Variants in ACADM observed in about 807,000 individuals in gnomAD.
The protein encoded by ACADM is acyl-CoA dehydrogenase medium chain.
A neutral mutation model predicts 58.9 loss-of-function variants in ACADM; 49 were observed. The observed-to-expected ratio is 0.83, with a 90% CI of 0.66 to 1.06. The LOEUF is 1.06. Among genes scored for constraint, ACADM ranks in the 50% least tolerant of loss-of-function variants. The pLI, the probability that ACADM is intolerant of heterozygous loss-of-function variation, is 0.00. For synonymous variants in ACADM, 160 were observed against 157.7 expected (o/e 1.01, Z -0.11); for missense variants, 496 against 507.0 (o/e 0.98, Z 0.21).
intron 11 of ACADM, 41 bp downstream of exon 11, chr1:75,761,411 A>AAT: frequency 6.3e-7 from 1 of 1,599,646 alleles, no homozygotes; most frequent in Non-Finnish European, 8.6e-7. Context: ...AAGGAGAGAG[A>AAT]ATATTCATAA....
chr1:75,740,907 G>T (rs761157816), intron 7 of ACADM, among the ~76,000 whole-genome samples: 21 of 152,112 alleles, frequency 1.4e-4, no homozygotes, highest in Non-Finnish European at 2.9e-4. Flanking sequence ...GAAAAGCAAA[G>T]CCTTGGTTAT....
chr1:75,732,077 A>G (rs910691009), intron 2 of ACADM, among the ~76,000 whole-genome samples: 2 of 152,034 alleles, frequency 1.3e-5, no homozygotes, highest in Non-Finnish European at 2.9e-5. Flanking sequence ...ATTTAAGGCC[A>G]GGAGGTCGAG....
chr1:75,745,927 T>C lies in ACADM; in HGVS notation c.708+13T>C, dbSNP rs919820455. 1.9e-6 allele frequency: 3 copies of C among 1,562,978 alleles called. No individual in the cohort carries two copies. Among genetic ancestry groups the C allele is most frequent in the African/African-American group, 1.4e-5 (1 of 73,864 alleles). ...GATTGGGAGAAAGGTAAAGTATTTA[T>C]TAATGATTAGGGCCCCAAATATTAT... On this transcript the variant is annotated intron_variant, in intron 8 of 11. Transcript: ENST00000370841.
chr1:75,730,739 C>G (rs539631813), intron 2 of ACADM, among the ~76,000 whole-genome samples: 1 of 152,034 alleles, frequency 6.6e-6, no homozygotes, highest in African/African-American at 2.4e-5. Context: ...ATTGCTCAGG[C>G]TGGCCCCAAA....
intron 1 of ACADM, among the ~76,000 whole-genome samples, chr1:75,727,215 C>G (rs527787476): frequency 5.9e-5 from 9 of 152,278 alleles, no homozygotes; most frequent in Admixed American, 5.2e-4. Flanking sequence ...AGCACTGTTT[C>G]AATTACAAAT....
intron 1 of ACADM, among the ~76,000 whole-genome samples, chr1:75,725,456 T>C (rs1261502663): frequency 1.3e-5 from 2 of 152,178 alleles, no homozygotes; most frequent in Non-Finnish European, 2.9e-5. Context: ...TTTAGAATAA[T>C]CCTAAAGAAT....
At chr1:75,753,003 C>T (rs1371823475) in intron 10 of ACADM, among the ~76,000 whole-genome samples, 1 of 152,106 alleles carries the variant, frequency 6.6e-6, no homozygotes, top group Non-Finnish European at 1.5e-5. Context: ...TCACAGAGCT[C>T]GTACATTGAT....
chr1:75,760,743 A>G (rs971707754), intron 10 of ACADM, among the ~76,000 whole-genome samples: 1 of 152,106 alleles, frequency 6.6e-6, no homozygotes, highest in African/African-American at 2.4e-5. Context: ...GAAAAAGAAC[A>G]TTAGTAGAAA....
intron 2 of ACADM, 116 bp downstream of exon 2, chr1:75,728,604 T>A: frequency 1.3e-6 from 1 of 743,068 alleles, no homozygotes; most frequent in South Asian, 1.5e-5. Flanking sequence ...GTAGAACCAG[T>A]CCACTGTCCA....
At chr1:75,735,319 CAAAAAAA>C (rs33952162) in intron 6 of ACADM, among the ~76,000 whole-genome samples, 1 of 101,832 alleles carries the variant, frequency 9.8e-6, no homozygotes. Flanking sequence ...GACCCTGTCT[CAAAAAAA>C]AAAAAAAAAA....
intron 8 of ACADM, among the ~76,000 whole-genome samples, chr1:75,749,128 G>A (rs998612705): frequency 5.9e-5 from 9 of 152,272 alleles, no homozygotes; most frequent in Middle Eastern, 6.8e-3. Flanking sequence ...ATTATGGTTG[G>A]CAAATTTTTT....
chr1:75,743,992 A>G, intron 7 of ACADM: 1 of 1,568,878 alleles, frequency 6.4e-7, no homozygotes, highest in Non-Finnish European at 8.8e-7. Context: ...CCGAGCCCTC[A>G]TCTTCTGGAT....
In ACADM at chr1:75,755,740, C is replaced by T. The variant is rs531905457; in HGVS notation, c.945+5194C>T. Among the ~76,000 whole-genome samples, 61 of 152,268 alleles carry T rather than the reference C, an allele frequency of 4.0e-4. No individual in the cohort carries two copies. In the South Asian group the frequency reaches 9.1e-3, roughly 23 times the overall value. On this transcript the variant is annotated intron_variant, in intron 10 of 11. Coordinates refer to ENST00000370841, the MANE Select transcript of ACADM (RefSeq NM_000016.6). ...AAGGAATGCAGCTCCTCGCCAGCAACGGAAGAAAGCTGGATGGAGAATGAC... is the reference window on the plus strand; with the variant it reads ...AAGGAATGCAGCTCCTCGCCAGCAATGGAAGAAAGCTGGATGGAGAATGAC...
intron 11 of ACADM, 33 bp from the exon 12 acceptor site, chr1:75,762,659 G>T (rs1648915214): frequency 1.5e-6 from 2 of 1,308,794 alleles, no homozygotes; most frequent in Non-Finnish European, 2.2e-6. Flanking sequence ...ATGTACTAAA[G>T]ATATTTAACC....
At chr1:75,759,964 A>T (rs767099655) in intron 10 of ACADM, among the ~76,000 whole-genome samples, 1 of 151,780 alleles carries the variant, frequency 6.6e-6, no homozygotes, top group Admixed American at 6.6e-5. Flanking sequence ...CCCAGCCAGC[A>T]ATTTCTTCTA....
At chr1:75,760,289 G>C (rs1040362265) in intron 10 of ACADM, among the ~76,000 whole-genome samples, 4 of 139,942 alleles carry the variant, frequency 2.9e-5, no homozygotes, top group African/African-American at 1.0e-4. Flanking sequence ...AAAAAGCCTG[G>C]TGTGGTGGCA....
rs1230530897 is a variant in ACADM, at chr1:75,763,578, G to A, written c.*815G>A. The A allele has an allele frequency of 1.3e-5, 2 of 151,742 alleles. No homozygotes were observed. The highest frequency in any genetic ancestry group is 2.9e-5 in the Non-Finnish European group (2 of 67,956). 9.4% of individuals were successfully genotyped at this position (151,742 alleles called of 1,614,324 possible). A position where few individuals can be genotyped will look rare whatever the true frequency, so the allele number is the denominator to read the frequency against. On this transcript the variant is annotated 3_prime_UTR_variant, in exon 12 of 12. Coordinates refer to ENST00000370841, the MANE Select transcript of ACADM (RefSeq NM_000016.6). ...TCTTGTATTTACTATGATGAAAAAA[G>A]GTCGTTTTAATTTTGAATTGAATAA... is the stretch of plus-strand genomic sequence containing the variant.
chr1:75,749,387 A>G, intron 8 of ACADM, 32 bp from the exon 9 acceptor site: 1 of 1,611,144 alleles, frequency 6.2e-7, no homozygotes, highest in East Asian at 2.2e-5. Context: ...GCTCAAAAAA[A>G]ATTCCTTAAA....
rs760763990 is a variant in ACADM at position 75,750,418 on chromosome 1, G to T, written c.850-33G>T. 1.2e-5 allele frequency: 19 copies of T among 1,527,884 alleles called. 1 individual carries two copies. The Admixed American group carries it at 3.4e-4, about 28-fold the overall frequency. The allele number at this position is 1,527,884 out of a possible 1,614,324, so 94.6% of individuals were successfully genotyped here. A position where few individuals can be genotyped will look rare whatever the true frequency, so the allele number is the denominator to read the frequency against. On this transcript the variant is annotated intron_variant, in intron 9 of 11. Transcript: ENST00000370841. ...ATATTGTGTGTTTTAAAGATAACAT[G>T]AACTTTTGCTTTATAATATCTTAAA...
Sources: gnomAD v4.1 joint callset for allele counts (sites outside exome capture counted in the v4.1 genomes callset) on GRCh38, gnomAD v4.1.1 for gene constraint, MANE v1.5 for transcripts, NCBI Gene and HGNC (gene_info 2026-07-23, HGNC 2026-07-21) for gene names.